ZNFX1: variants seen among roughly 807,000 people sequenced by gnomAD.
ZNFX1 encodes the protein NFX1-type zinc finger-containing protein 1.
Under a neutral mutation model 179.8 loss-of-function variants are expected in ZNFX1, and 78 were observed. That is an observed-to-expected ratio of 0.43 (90% CI 0.36 to 0.52). ZNFX1 has a LOEUF of 0.52. Among genes scored for constraint, ZNFX1 ranks in the 20% least tolerant of loss-of-function variants. The pLI, the probability that ZNFX1 is intolerant of heterozygous loss-of-function variation, is 0.00. For missense variants in ZNFX1, 1,927 were observed against 2,386.6 expected (o/e 0.81, Z 4.01); for synonymous variants, 848 against 868.5 (o/e 0.98, Z 0.42).
At chr20:49,255,736 T>C in intron 9 of ZNFX1, 72 bp downstream of exon 9, 1 of 1,511,214 alleles carries the variant, frequency 6.6e-7, no homozygotes, top group Non-Finnish European at 8.9e-7. Flanking sequence ...TTGAAGGTCT[T>C]GGAGGTGGAG....
rs1414787832 is a variant in ZNFX1 at position 49,247,628 on chromosome 20, C to T, written c.5396G>A (p.Cys1799Tyr). Reference sequence around the variant, plus strand: ...TTGTTCATCCTCTTGGGTGAACTTACATGTTTTCTCAAGGATATTCTGGAC... The same window carrying T: ...TTGTTCATCCTCTTGGGTGAACTTATATGTTTTCTCAAGGATATTCTGGAC... ...YSVQNILEKT[C>Y]KFTQEDEQLV... Residue 1799 changes from cysteine to tyrosine, a missense_variant, in exon 14 of 14, where the codon TGT (cysteine) becomes TAT (tyrosine). Transcript: ENST00000396105. 1 of 1,614,092 alleles carries T rather than the reference C, an allele frequency of 6.2e-7. No homozygotes were observed. Among genetic ancestry groups the T allele is most frequent in the African/African-American group, 1.3e-5 (1 of 74,924 alleles).
Position 49,271,580 on chromosome 20 carries a change from G to C in ZNFX1, c.232C>G (p.His78Asp). The change falls in exon 3 of 14, where the codon CAT becomes GAT. Residue 78 changes from histidine to aspartate, a missense_variant. Coordinates refer to ENST00000396105, the MANE Select transcript of ZNFX1 (RefSeq NM_021035.3). ...CCCTCCTGGTTCCTCCTTCCTTGAT[G>C]TGGGTTCCTGCCCATGGCCCTAAAT... ...ERFRAMGRNP[H>D]QGRRNQEGHA... 1.9e-6 allele frequency: 3 copies of C among 1,614,156 alleles called. No homozygotes were observed. The highest frequency in any genetic ancestry group is 2.2e-5 in the South Asian group (2 of 91,084).
In ZNFX1 at chr20:49,246,872, ATTTTT is replaced by A. The variant is rs71647791; in HGVS notation, c.*390_*394del. On this transcript the variant is annotated 3_prime_UTR_variant, in exon 14 of 14. Coordinates refer to ENST00000396105, the MANE Select transcript of ZNFX1 (RefSeq NM_021035.3). Reference sequence around the variant, plus strand: ...GTAGGTGCTAAGACTAAAAAGAATGATTTTTTTTTTTTTGAGACAGAGTCTTGCTC... The same window carrying A: ...GTAGGTGCTAAGACTAAAAAGAATGATTTTTTTTGAGACAGAGTCTTGCTC... 1.2e-5 allele frequency: 5 copies of A among 427,928 alleles called. No homozygotes were observed. Among genetic ancestry groups the A allele is most frequent in the East Asian group, 7.4e-5 (1 of 13,596 alleles). The allele number at this position is 427,928 out of a possible 1,614,324, so 26.5% of individuals were successfully genotyped here.
chr20:49,259,401 C>T (rs1262102631), intron 7 of ZNFX1, among the ~76,000 whole-genome samples: 1 of 151,068 alleles, frequency 6.6e-6, no homozygotes, highest in Non-Finnish European at 1.5e-5. Flanking sequence ...CTAAGTAACA[C>T]ATTGTCTAGT....
Position 49,248,784 on chromosome 20 carries a change from C to G in ZNFX1, c.4240G>C (p.Val1414Leu), listed in dbSNP as rs199681576. The change falls in exon 14 of 14, where the codon GTA (valine) becomes CTA (leucine). Residue 1414 changes from valine to leucine, a missense_variant. By Grantham distance (32) the Val-to-Leu change is conservative. Coordinates refer to ENST00000396105, the MANE Select transcript of ZNFX1 (RefSeq NM_021035.3). The surrounding 1 kb of genome is among the most constrained non-coding windows in gnomAD (Gnocchi z 4.6). Reference protein sequence around the residue: ...IKLKCGHSQPVKCGHVEGLLY... With the variant: ...IKLKCGHSQPLKCGHVEGLLY... ...AGGCCTTCCACATGACCACATTTTA[C>G]CGGTTGACTGTGCCCACACTTGAGT... The G allele has an allele frequency of 3.4e-5, 55 of 1,614,204 alleles. No homozygotes were observed. In the East Asian group the frequency reaches 1.0e-3, roughly 29 times the overall value.
intron 4 of ZNFX1, 56 bp downstream of exon 4, chr20:49,266,079 C>G (rs184389696): frequency 1.3e-6 from 2 of 1,574,456 alleles, no homozygotes; most frequent in South Asian, 2.3e-5. Flanking sequence ...ACTGAAGTTG[C>G]TGATGGTTCA....
chr20:49,274,120 A>T (rs1309268400), intron 2 of ZNFX1, among the ~76,000 whole-genome samples: 5 of 152,232 alleles, frequency 3.3e-5, no homozygotes, highest in Non-Finnish European at 7.3e-5. Context: ...CTTGGAACTA[A>T]TTTAGCTTTG....
chr20:49,266,291 T>C lies in ZNFX1; in HGVS notation c.1871-25A>G, dbSNP rs766694031. 1.8e-5 allele frequency: 29 copies of C among 1,568,832 alleles called. 1 individual carries two copies. The highest frequency in any genetic ancestry group is 3.4e-6 in the Non-Finnish European group (4 of 1,162,596). On this transcript the variant is annotated intron_variant, in intron 3 of 13. Transcript: ENST00000396105. ...CCTAGAAAATAAGGAAAAAGGAATT[T>C]AACAATTTAGACATTTTCTAAATAA... is the stretch of plus-strand genomic sequence containing the variant.
rs767902702 is a variant in ZNFX1, at chr20:49,264,759, A to T, written c.2108T>A (p.Phe703Tyr). The T allele has an allele frequency of 6.2e-7, 1 of 1,614,138 alleles. No individual in the cohort carries two copies. The highest frequency in any genetic ancestry group is 1.1e-5 in the South Asian group (1 of 91,082). The part of the protein sequence containing the change: ...TLRELRNKRE[F>Y]RRNLPMHLRR... Reference sequence around the variant, plus strand: ...GAGGTGCATGGGGAGGTTGCGGCGGAATTCCCGCTTGTTCCTCAGCTCCCT... The same window carrying T: ...GAGGTGCATGGGGAGGTTGCGGCGGTATTCCCGCTTGTTCCTCAGCTCCCT... The change falls in exon 5 of 14, where the codon TTC becomes TAC. Residue 703 changes from phenylalanine to tyrosine, a missense_variant. Coordinates refer to ENST00000396105, the MANE Select transcript of ZNFX1 (RefSeq NM_021035.3).
At position 49,248,040 on chromosome 20, in the gene ZNFX1, C is replaced by G; in HGVS notation, c.4984G>C (p.Glu1662Gln). The G allele has an allele frequency of 6.2e-7, 1 of 1,614,186 alleles. No individual in the cohort carries two copies. Among genetic ancestry groups the G allele is most frequent in the Non-Finnish European group, 8.5e-7 (1 of 1,180,052 alleles). Reference protein sequence around the residue: ...GSAGEIATSQERLKALLERKS... With the variant: ...GSAGEIATSQQRLKALLERKS... Reference sequence around the variant, plus strand: ...CTCTCCAGCAGGGCCTTAAGCCGTTCCTGGCTGGTTGCTATTTCCCCTGCT... The same window carrying G: ...CTCTCCAGCAGGGCCTTAAGCCGTTGCTGGCTGGTTGCTATTTCCCCTGCT... Residue 1662 changes from glutamate (E) to glutamine (Q), a missense_variant, in exon 14 of 14, where the codon GAA becomes CAA. By Grantham distance (29) the Glu-to-Gln change is conservative. Transcript: ENST00000396105. The surrounding 1 kb of genome is among the most constrained non-coding windows in gnomAD (Gnocchi z 4.6).
chr20:49,256,930 C>T (rs1446641179), intron 8 of ZNFX1, among the ~76,000 whole-genome samples: 1 of 152,212 alleles, frequency 6.6e-6, no homozygotes, highest in Non-Finnish European at 1.5e-5. Flanking sequence ...GGGAAGGCTA[C>T]ATGAAGACAC....
rs1600981751 is a variant in ZNFX1 at position 49,246,930 on chromosome 20, A to C, written c.*337T>G. ...GTCGCCCAGACTGGAGTGCAATGGC[A>C]TGATCTCAGCTCACTGCAACCTCCG... On this transcript the variant is annotated 3_prime_UTR_variant, in exon 14 of 14. Coordinates refer to ENST00000396105, the MANE Select transcript of ZNFX1 (RefSeq NM_021035.3). 1 of 465,926 alleles carries C rather than the reference A, an allele frequency of 2.1e-6. No individual in the cohort carries two copies. Among genetic ancestry groups the C allele is most frequent in the Non-Finnish European group, 4.3e-6 (1 of 235,040 alleles). 28.9% of individuals were successfully genotyped at this position (465,926 alleles called of 1,614,324 possible). A position where few individuals can be genotyped will look rare whatever the true frequency, so the allele number is the denominator to read the frequency against.
chr20:49,270,888 CT>C lies in ZNFX1; in HGVS notation c.923del (p.Lys308ArgfsTer7), dbSNP rs1981373454. 2 of 1,614,176 alleles carry C rather than the reference CT, an allele frequency of 1.2e-6. No homozygotes were observed. The highest frequency in any genetic ancestry group is 1.7e-6 in the Non-Finnish European group (2 of 1,180,036). On this transcript the variant is annotated frameshift_variant, in exon 3 of 14. Coordinates refer to ENST00000396105, the MANE Select transcript of ZNFX1 (RefSeq NM_021035.3). LOFTEE classifies it high-confidence loss of function. The surrounding 1 kb of genome is among the most constrained non-coding windows in gnomAD (Gnocchi z 4.6). ...CCACTCTCAAAGTGCCCTCTCGCCT[CT>C]TTTCCTGCAGATGTTCAATGATAGT... Reference protein sequence around the residue: ...VQTIIEHLQEKRREGTLRVDT... With the variant: ...VQTIIEHLQEXRREGTLRVDT...
At chr20:49,275,198 C>A (rs1157439058) in intron 2 of ZNFX1, among the ~76,000 whole-genome samples, 2 of 152,188 alleles carry the variant, frequency 1.3e-5, no homozygotes, top group Non-Finnish European at 2.9e-5. Context: ...CTGCTCTACA[C>A]CAAACGTCAT....
chr20:49,249,444 T>G lies in ZNFX1; in HGVS notation c.3580A>C (p.Ile1194Leu). The G allele has an allele frequency of 6.2e-7, 1 of 1,614,240 alleles. No individual in the cohort carries two copies. The highest frequency in any genetic ancestry group is 8.5e-7 in the Non-Finnish European group (1 of 1,180,050). ...VDKYQGEEND[I>L]ILLSLVRSNQ... ...CTCCGCACTAGCGAGAGGAGGATGA[T>G]GTCATTCTCTTCCCCTTGGTATTTG... The change falls in exon 14 of 14, where the codon ATC becomes CTC. Residue 1194 changes from isoleucine (I) to leucine (L), a missense_variant. Coordinates refer to ENST00000396105, the MANE Select transcript of ZNFX1 (RefSeq NM_021035.3).
chr20:49,261,209 G>A (rs1296673753), intron 6 of ZNFX1, among the ~76,000 whole-genome samples: 1 of 152,152 alleles, frequency 6.6e-6, no homozygotes, highest in Non-Finnish European at 1.5e-5. Context: ...CCTCCAGCCT[G>A]GGCTCAAGAC....
At chr20:49,253,025 G>C (rs761682686) in intron 11 of ZNFX1, among the ~76,000 whole-genome samples, 195 bp from the exon 12 acceptor site, 14 of 152,264 alleles carry the variant, frequency 9.2e-5, no homozygotes, top group Non-Finnish European at 2.9e-5. Flanking sequence ...ATATGACAGA[G>C]TGCCCCATGG....
At chr20:49,251,905 T>C (rs1980847711) in intron 12 of ZNFX1, among the ~76,000 whole-genome samples, 1 of 151,504 alleles carries the variant, frequency 6.6e-6, no homozygotes, top group African/African-American at 2.4e-5. Context: ...TCTCAGCTCA[T>C]TGCAACCTCT....
In ZNFX1 at chr20:49,248,641, A is replaced by T; in HGVS notation, c.4383T>A (p.Cys1461Ter). 1 of 1,613,934 alleles carries T rather than the reference A, an allele frequency of 6.2e-7. No individual in the cohort carries two copies. Among genetic ancestry groups the T allele is most frequent in the Non-Finnish European group, 8.5e-7 (1 of 1,180,042 alleles). ...SCFEGRFHER[C>*]QQPCKRLLIC... Reference sequence around the variant, plus strand: ...TAAGCAGGCGCTTGCAGGGCTGCTGACAGCGTTCATGGAAACGCCCTTCGA... The same window carrying T: ...TAAGCAGGCGCTTGCAGGGCTGCTGTCAGCGTTCATGGAAACGCCCTTCGA... Residue 1461 changes from cysteine (C) to a stop codon, truncating the protein, a stop_gained, in exon 14 of 14, where the codon TGT becomes TGA. Coordinates refer to ENST00000396105, the MANE Select transcript of ZNFX1 (RefSeq NM_021035.3). LOFTEE classifies it high-confidence loss of function. This position sits in a 1 kb window ranked among gnomAD's most constrained non-coding sequence, Gnocchi z 4.6.
Sources: gnomAD v4.1 joint callset for allele counts (sites outside exome capture counted in the v4.1 genomes callset) on GRCh38, gnomAD v4.1.1 for gene constraint, Gnocchi (gnomAD v3.1) non-coding constraint, MANE v1.5 for transcripts, NCBI Gene and HGNC (gene_info 2026-07-23, HGNC 2026-07-21) for gene names.